GPSM2: variants seen among roughly 807,000 people sequenced by gnomAD.
The protein encoded by GPSM2 is G protein signaling modulator 2, also known as G protein-signaling modulator 2.
Under a neutral mutation model 78.4 loss-of-function variants are expected in GPSM2, and 58 were observed. The observed-to-expected ratio is 0.74, with a 90% confidence interval of 0.60 to 0.92. The LOEUF is 0.92. GPSM2 is among the 40% of genes least tolerant of loss of function. The probability of loss-of-function intolerance (pLI) is 0.00; values close to 1 mark genes in which losing one functional copy is unlikely to be tolerated. For missense variants in GPSM2, 700 were observed against 815.5 expected (o/e 0.86, Z 1.73); for synonymous variants, 224 against 280.2 (o/e 0.80, Z 2.00).
chr1:108,890,786 CTAAG>C (rs1370840911), intron 2 of GPSM2, among the ~76,000 whole-genome samples: 2 of 152,064 alleles, frequency 1.3e-5, no homozygotes, highest in East Asian at 1.9e-4. Context: ...TCTTGGAACA[CTAAG>C]TAACCTCCTA....
chr1:108,895,001 C>CT (rs1048481242), intron 2 of GPSM2, among the ~76,000 whole-genome samples: 7 of 152,154 alleles, frequency 4.6e-5, no homozygotes, highest in African/African-American at 1.7e-4. Context: ...GTTAATTGAT[C>CT]TACCACTAGA....
Position 108,898,107 on chromosome 1 carries a change from T to C in GPSM2, c.557+6T>C. ...GCAGCCGTGGATTTTTATGAGTGAG[T>C]AGGGGCTGATATGGGCAGTCATGTA... On this transcript the variant is annotated splice_donor_region_variant and intron_variant, in intron 5 of 14. Transcript: ENST00000264126. 1.2e-6 allele frequency: 2 copies of C among 1,612,994 alleles called. No homozygotes were observed. The highest frequency in any genetic ancestry group is 1.7e-6 in the Non-Finnish European group (2 of 1,179,034).
intron 10 of GPSM2, among the ~76,000 whole-genome samples, chr1:108,909,180 A>G (rs1445218555): frequency 6.6e-6 from 1 of 151,866 alleles, no homozygotes; most frequent in Non-Finnish European, 1.5e-5. Flanking sequence ...CTGTTGTGTG[A>G]AGATTTTGTT....
chr1:108,916,078 CAAAA>C (rs59651066), intron 11 of GPSM2, among the ~76,000 whole-genome samples: 2 of 105,196 alleles, frequency 1.9e-5, no homozygotes, highest in Non-Finnish European at 4.1e-5. Context: ...CCTGTCTATA[CAAAA>C]AAAAAAAAAA....
chr1:108,912,330 G>T (rs1466896149), intron 10 of GPSM2, among the ~76,000 whole-genome samples: 1 of 152,080 alleles, frequency 6.6e-6, no homozygotes, highest in African/African-American at 2.4e-5. Context: ...AAGACAAATA[G>T]ACCAGTGGAA....
At chr1:108,918,186 G>A (rs72984628) in intron 11 of GPSM2, among the ~76,000 whole-genome samples, 18,385 of 151,836 alleles carry the variant, frequency 0.12, 1,289 homozygotes, top group African/African-American at 0.19. Flanking sequence ...AAACAGTACC[G>A]TTTTATTTTT....
At chr1:108,883,547 T>A (rs1647274618) in intron 1 of GPSM2, among the ~76,000 whole-genome samples, 1 of 152,206 alleles carries the variant, frequency 6.6e-6, no homozygotes, top group South Asian at 2.1e-4. Context: ...CCTCTAGGAT[T>A]GTTTATAACA....
intron 11 of GPSM2, among the ~76,000 whole-genome samples, chr1:108,914,870 G>T (rs1274672177): frequency 6.6e-6 from 1 of 152,166 alleles, no homozygotes; most frequent in Non-Finnish European, 1.5e-5. Context: ...TTATGATCAA[G>T]AGGAGAGTTG....
intron 1 of GPSM2, among the ~76,000 whole-genome samples, chr1:108,881,063 A>G (rs529304873): frequency 1.4e-3 from 209 of 152,328 alleles, no homozygotes; most frequent in Non-Finnish European, 2.5e-3. Context: ...AGCTGTCTAA[A>G]GGGAGTCTGT....
chr1:108,918,504 C>A, intron 11 of GPSM2, 109 bp from the exon 12 acceptor site: 1 of 804,386 alleles, frequency 1.2e-6, no homozygotes, highest in African/African-American at 1.7e-5. Flanking sequence ...CTTCCTCTCT[C>A]CCCCAATAGT....
At chr1:108,896,539 T>A (rs1035185546) in intron 2 of GPSM2, among the ~76,000 whole-genome samples, 1 of 152,208 alleles carries the variant, frequency 6.6e-6, no homozygotes, top group African/African-American at 2.4e-5. Flanking sequence ...CAGAGGTCTG[T>A]TACAACTCAG....
chr1:108,900,151 C>G (rs781209820), intron 7 of GPSM2, among the ~76,000 whole-genome samples: 2 of 151,636 alleles, frequency 1.3e-5, no homozygotes, highest in Admixed American at 6.6e-5. Context: ...AGTTTTTTTC[C>G]TCCCAATAAG....
chr1:108,896,391 G>A (rs376364691), intron 2 of GPSM2, among the ~76,000 whole-genome samples: 12 of 152,154 alleles, frequency 7.9e-5, no homozygotes, highest in East Asian at 3.9e-4. Context: ...GAGAGAGAGC[G>A]AGGGATGGAT....
chr1:108,893,908 A>T (rs1156687574), intron 2 of GPSM2, among the ~76,000 whole-genome samples: 2 of 152,106 alleles, frequency 1.3e-5, no homozygotes, highest in Non-Finnish European at 2.9e-5. Context: ...TACAAAAATT[A>T]GCTGGGCACG....
At chr1:108,925,174 A>G (rs1213777373) in intron 14 of GPSM2, among the ~76,000 whole-genome samples, 1 of 152,214 alleles carries the variant, frequency 6.6e-6, no homozygotes, top group East Asian at 1.9e-4. Flanking sequence ...CTATTCACTG[A>G]AATGGAGATG....
rs149472087 is a variant in GPSM2 at position 108,899,656 on chromosome 1, A to G, written c.797+662A>G. On this transcript the variant is annotated intron_variant, in intron 7 of 14. Transcript: ENST00000264126. ...AGTTTAGACAGCTTCAAGTTGCCTG[A>G]TCTGTGCTTTCTAGATTGAGTTTTC... 8.6e-3 allele frequency among the ~76,000 whole-genome samples: 1,312 copies of G among 152,292 alleles called. 10 individuals are homozygous for G. The highest frequency in any genetic ancestry group is 0.03 in the African/African-American group (1,249 of 41,558).
chr1:108,891,144 A>T (rs186684233), intron 2 of GPSM2, among the ~76,000 whole-genome samples: 13 of 152,312 alleles, frequency 8.5e-5, no homozygotes, highest in Non-Finnish European at 1.3e-4. Context: ...TGGGTTTGTT[A>T]CACTAGTTCC....
chr1:108,930,745 T>G lies in GPSM2; in HGVS notation c.*805T>G, dbSNP rs1051171238. On this transcript the variant is annotated 3_prime_UTR_variant, in exon 15 of 15. Transcript: ENST00000264126. ...CTCTACTAAAAATACAAAAATTAGC[T>G]GGGCATGGTGGCATGCGCCTGTAGT... 6 of 152,396 alleles carry G rather than the reference T, an allele frequency of 3.9e-5. No homozygotes were observed. Among genetic ancestry groups the G allele is most frequent in the African/African-American group, 7.2e-5 (3 of 41,396 alleles). 9.4% of individuals were successfully genotyped at this position (152,396 alleles called of 1,614,324 possible). A position where few individuals can be genotyped will look rare whatever the true frequency, so the allele number is the denominator to read the frequency against.
At chr1:108,889,194 C>CCTGTGTACT (rs1647784452) in intron 2 of GPSM2, among the ~76,000 whole-genome samples, 1 of 152,102 alleles carries the variant, frequency 6.6e-6, no homozygotes. Context: ...AGCAGTTTTG[C>CCTGTGTACT]CTCGAGAGTA....
Sources: gnomAD v4.1 joint callset for allele counts (sites outside exome capture counted in the v4.1 genomes callset) on GRCh38, gnomAD v4.1.1 for gene constraint, MANE v1.5 for transcripts, NCBI Gene and HGNC (gene_info 2026-07-23, HGNC 2026-07-21) for gene names.